The following PCDHGA7 variants were observed in gnomAD, a reference collection of about 807,000 sequenced individuals.
PCDHGA7 encodes protocadherin gamma subfamily A, 7, also known as protocadherin gamma-A7.
A neutral mutation model predicts 58.3 loss-of-function variants in PCDHGA7; 44 were observed. The observed-to-expected ratio is 0.75, with a 90% confidence interval of 0.59 to 0.97. The LOEUF is 0.97. PCDHGA7 is among the 50% of genes least tolerant of loss of function. The probability of loss-of-function intolerance (pLI) is 0.00; values close to 1 mark genes in which losing one functional copy is unlikely to be tolerated. For missense variants in PCDHGA7, 1,266 were observed against 1,188.7 expected, an observed-to-expected ratio of 1.06 and a Z score of -0.96; for synonymous variants, 516 against 504.2, an observed-to-expected ratio of 1.02 and a Z score of -0.31.
At chr5:141,395,102 G>A (rs766050798) in intron 1 of PCDHGA7, 2 of 1,614,172 alleles carry the variant, frequency 1.2e-6, no homozygotes, top group East Asian at 2.2e-5. Flanking sequence ...CCGCCGACTC[G>A]CGGAAGAGTC....
chr5:141,432,178 T>C lies in PCDHGA7; in HGVS notation c.2424+46855T>C. Reference sequence around the variant, plus strand: ...ATCCCAGAGGAGTTTCCCTCGTCTCTGTGACCGCCCACGACCCCGACTGTG... The same window carrying C: ...ATCCCAGAGGAGTTTCCCTCGTCTCCGTGACCGCCCACGACCCCGACTGTG... On this transcript the variant is annotated intron_variant, in intron 1 of 3. Transcript: ENST00000518325. The surrounding 1 kb of genome is among the most constrained non-coding windows in gnomAD (Gnocchi z 6.0). 6.2e-7 allele frequency: 1 copy of C among 1,614,184 alleles called. No individual in the cohort carries two copies. The highest frequency in any genetic ancestry group is 8.5e-7 in the Non-Finnish European group (1 of 1,180,036).
chr5:141,394,529 C>T, intron 1 of PCDHGA7: 2 of 1,614,216 alleles, frequency 1.2e-6, no homozygotes, highest in Non-Finnish European at 8.5e-7. Flanking sequence ...CAGACGGTTC[C>T]ACTGGCGTGG....
chr5:141,402,071 A>G, intron 1 of PCDHGA7, among the ~76,000 whole-genome samples: 2 of 152,340 alleles, frequency 1.3e-5, no homozygotes, highest in Middle Eastern at 3.4e-3. Context: ...AAAACTAAGC[A>G]TTTTTGAAAT....
At chr5:141,496,121 C>G (rs1391009290) in intron 2 of PCDHGA7, among the ~76,000 whole-genome samples, 1 of 152,088 alleles carries the variant, frequency 6.6e-6, no homozygotes, top group Non-Finnish European at 1.5e-5. Context: ...TCCTTCCCTG[C>G]CCCTCACACA....
In PCDHGA7 at chr5:141,491,341, G is replaced by C. The variant is rs775712620; in HGVS notation, c.2425-3466G>C. ...TTACCTCATTGTGGCTCTAGCGACC[G>C]TCAGTCTCTTATCCCTAGTCACCTT... On this transcript the variant is annotated intron_variant, in intron 1 of 3. Transcript: ENST00000518325. This position sits in a 1 kb window ranked among gnomAD's most constrained non-coding sequence, Gnocchi z 6.9. 10 of 1,614,100 alleles carry C rather than the reference G, an allele frequency of 6.2e-6. No homozygotes were observed. In the East Asian group the frequency reaches 8.9e-5, roughly 14 times the overall value.
rs1259831891 is a variant in PCDHGA7 at position 141,383,082 on chromosome 5, G to C, written c.183G>C (p.Glu61Asp). 36 of 1,613,934 alleles carry C rather than the reference G, an allele frequency of 2.2e-5. 1 individual carries two copies. The highest frequency in any genetic ancestry group is 3.1e-5 in the Non-Finnish European group (36 of 1,179,910). The part of the protein sequence containing the change: ...DLGLEPRELA[E>D]RGVRIISRGR... ...GGCTGGAGCCCCGGGAGCTGGCGGA[G>C]CGCGGAGTCCGCATCATCTCCAGAG... Residue 61 changes from glutamate (E) to aspartate (D), a missense_variant, in exon 1 of 4, where the codon GAG (glutamate) becomes GAC (aspartate). By Grantham distance (45) the Glu-to-Asp change is conservative. Transcript: ENST00000518325.
intron 1 of PCDHGA7, chr5:141,392,848 A>C (rs374832992): frequency 1.2e-6 from 2 of 1,610,796 alleles, no homozygotes; most frequent in Non-Finnish European, 1.7e-6. Flanking sequence ...AGACGCGGCG[A>C]GCTGATCCTG....
At chr5:141,421,619 C>G in intron 1 of PCDHGA7, 1 of 1,613,694 alleles carries the variant, frequency 6.2e-7, no homozygotes, top group Non-Finnish European at 8.5e-7. Flanking sequence ...AATGATAACG[C>G]CCCCAGCTTC....
chr5:141,414,271 C>T (rs1561747971), intron 1 of PCDHGA7: 3 of 1,613,292 alleles, frequency 1.9e-6, no homozygotes, highest in East Asian at 2.2e-5. Context: ...AGATTCACCT[C>T]TGGGAACAGT....
intron 3 of PCDHGA7, among the ~76,000 whole-genome samples, chr5:141,507,809 C>T (rs866898784): frequency 2.0e-5 from 3 of 152,206 alleles, no homozygotes; most frequent in Non-Finnish European, 2.9e-5. Flanking sequence ...CCCTGGGGAA[C>T]GGACCCTGGG....
rs200533514 is a variant in PCDHGA7 at position 141,476,315 on chromosome 5, C to T, written c.2425-18492C>T. On this transcript the variant is annotated intron_variant, in intron 1 of 3. Transcript: ENST00000518325. This position sits in a 1 kb window ranked among gnomAD's most constrained non-coding sequence, Gnocchi z 7.6. The stretch of plus-strand genomic sequence containing the variant: ...CGGTAGCCTCTCAGCCCGCAGGTTC[C>T]GGGTGGTGTCTGGAGCTAGCCGAAG... 264 of 1,613,910 alleles carry T rather than the reference C, an allele frequency of 1.6e-4. No homozygotes were observed. The highest frequency in any genetic ancestry group is 2.1e-4 in the Non-Finnish European group (248 of 1,180,024).
Position 141,486,243 on chromosome 5 carries a change from G to T in PCDHGA7, c.2425-8564G>T. ...TACATCACAGTGACCTCAGAGCTTG[G>T]AACCCTCCCCGAGAGTGCAGAACCT... is the stretch of plus-strand genomic sequence containing the variant. On this transcript the variant is annotated intron_variant, in intron 1 of 3. Coordinates refer to ENST00000518325, the MANE Select transcript of PCDHGA7 (RefSeq NM_018920.4). The surrounding 1 kb of genome is among the most constrained non-coding windows in gnomAD (Gnocchi z 5.0). 1 of 1,614,156 alleles carries T rather than the reference G, an allele frequency of 6.2e-7. No individual in the cohort carries two copies. Among genetic ancestry groups the T allele is most frequent in the Non-Finnish European group, 8.5e-7 (1 of 1,180,018 alleles).
At position 141,477,529 on chromosome 5, in the gene PCDHGA7, C is replaced by G; in HGVS notation, c.2425-17278C>G. ...ACGTTTACATTGAAGAAAACAACCT[C>G]CCCGGGGCTCCAATACTAAACCTAA... On this transcript the variant is annotated intron_variant, in intron 1 of 3. Transcript: ENST00000518325. The surrounding 1 kb of genome is among the most constrained non-coding windows in gnomAD (Gnocchi z 4.9). 6.2e-7 allele frequency: 1 copy of G among 1,614,172 alleles called. No homozygotes were observed. The highest frequency in any genetic ancestry group is 8.5e-7 in the Non-Finnish European group (1 of 1,180,032).
rs911594122 is a variant in PCDHGA7, at chr5:141,383,374, G to C, written c.475G>C (p.Asp159His). Residue 159 changes from aspartate (D) to histidine (H), a missense_variant, in exon 1 of 4, where the codon GAT becomes CAT. Transcript: ENST00000518325. The part of the protein sequence containing the change: ...GVRFPLSEAG[D>H]PDVGTNSLQS... ...TCGGTTTCCGTTAAGCGAGGCTGGGGATCCAGATGTGGGCACGAACTCCCT... is the reference window on the plus strand; with the variant it reads ...TCGGTTTCCGTTAAGCGAGGCTGGGCATCCAGATGTGGGCACGAACTCCCT... 1.2e-6 allele frequency: 2 copies of C among 1,613,910 alleles called. No homozygotes were observed. The highest frequency in any genetic ancestry group is 2.7e-5 in the African/African-American group (2 of 74,936).
At chr5:141,502,953 C>G (rs145774277) in intron 2 of PCDHGA7, among the ~76,000 whole-genome samples, 1,594 of 147,762 alleles carry the variant, frequency 0.011, 24 homozygotes, top group African/African-American at 0.037. Context: ...AAGCGATTCT[C>G]CTGCCTCAGC....
intron 1 of PCDHGA7, chr5:141,427,957 C>G (rs770633827): frequency 1.3e-5 from 20 of 1,588,284 alleles, no homozygotes; most frequent in African/African-American, 2.7e-5. Flanking sequence ...GACAATGTGC[C>G]GCGGGTGCTG....
At chr5:141,510,799 C>G in intron 3 of PCDHGA7, 148 bp from the exon 4 acceptor site, 1 of 1,481,460 alleles carries the variant, frequency 6.8e-7, no homozygotes. Context: ...TGAAGAGAGA[C>G]TACCTTGGTG....
chr5:141,460,726 A>G lies in PCDHGA7; in HGVS notation c.2425-34081A>G, dbSNP rs545089217. ...GAGAATAAACTATTGTTATAAGCAT[A>G]TATACACATTGTATATATATGTGTA... On this transcript the variant is annotated intron_variant, in intron 1 of 3. Coordinates refer to ENST00000518325, the MANE Select transcript of PCDHGA7 (RefSeq NM_018920.4). Among the ~76,000 whole-genome samples the G allele has an allele frequency of 6.6e-5, 10 of 152,252 alleles. No homozygotes were observed. In the East Asian group the frequency reaches 1.9e-3, roughly 29 times the overall value.
rs112156044 is a variant in PCDHGA7, at chr5:141,476,771, G to T, written c.2425-18036G>T. ...CCAGTTAGTGCTGACGGCGTTGGAC[G>T]GAGGGACCCCAGCTCTCTCCGCCAG... On this transcript the variant is annotated intron_variant, in intron 1 of 3. Coordinates refer to ENST00000518325, the MANE Select transcript of PCDHGA7 (RefSeq NM_018920.4). The surrounding 1 kb of genome is among the most constrained non-coding windows in gnomAD (Gnocchi z 7.6). The T allele has an allele frequency of 6.2e-7, 1 of 1,613,700 alleles. No homozygotes were observed. The highest frequency in any genetic ancestry group is 1.1e-5 in the South Asian group (1 of 91,084).
Sources: gnomAD v4.1 joint callset for allele counts (sites outside exome capture counted in the v4.1 genomes callset) on GRCh38, gnomAD v4.1.1 for gene constraint, Gnocchi (gnomAD v3.1) non-coding constraint, MANE v1.5 for transcripts, NCBI Gene and HGNC (gene_info 2026-07-23, HGNC 2026-07-21) for gene names.